TACC1: variants seen among roughly 807,000 people sequenced by gnomAD.
TACC1 encodes the protein transforming acidic coiled-coil containing protein 1.
In TACC1, 48 loss-of-function variants were observed where a neutral mutation model predicts 84.4. The ratio of observed to expected loss-of-function variants is 0.57; its 90% confidence interval spans 0.45 to 0.72. TACC1 has a LOEUF of 0.72. TACC1 is among the 30% of genes least tolerant of loss of function. TACC1 has a pLI of 0.00. For missense variants in TACC1, 920 were observed against 973.0 expected, an observed-to-expected ratio of 0.95 and a Z score of 0.72; for synonymous variants, 372 against 376.3, an observed-to-expected ratio of 0.99 and a Z score of 0.13.
chr8:38,832,864 G>A (rs1396243346), intron 6 of TACC1, among the ~76,000 whole-genome samples: 1 of 152,196 alleles, frequency 6.6e-6, no homozygotes, highest in African/African-American at 2.4e-5. Flanking sequence ...TTAGTGATGC[G>A]AATTCTCCAC....
intron 5 of TACC1, among the ~76,000 whole-genome samples, chr8:38,830,053 G>A (rs1457481924): frequency 2.6e-5 from 4 of 152,216 alleles, no homozygotes; most frequent in Non-Finnish European, 5.9e-5. Flanking sequence ...GGGAAACAAG[G>A]TCATACCGTG....
intron 2 of TACC1, among the ~76,000 whole-genome samples, chr8:38,796,181 A>G (rs1819932775): frequency 6.6e-6 from 1 of 152,238 alleles, no homozygotes; most frequent in East Asian, 1.9e-4. Context: ...TCTGCGAGAT[A>G]GGACACAAGT....
At chr8:38,735,197 A>G (rs1233484506) in intron 1 of TACC1, among the ~76,000 whole-genome samples, 1 of 152,216 alleles carries the variant, frequency 6.6e-6, no homozygotes, top group Non-Finnish European at 1.5e-5. Context: ...CTTACTCTCT[A>G]TTCGAAACCC....
At chr8:38,820,741 C>T in intron 3 of TACC1, 106 bp downstream of exon 3, 18 of 1,455,444 alleles carry the variant, frequency 1.2e-5, no homozygotes, top group Non-Finnish European at 1.5e-5. Context: ...TGAGGTGCAC[C>T]GAGGTTCATA....
At chr8:38,767,322 C>A (rs1812436160) in intron 3 of TACC1, among the ~76,000 whole-genome samples, 1 of 152,220 alleles carries the variant, frequency 6.6e-6, no homozygotes, top group South Asian at 2.1e-4. Context: ...TGTGGCACTT[C>A]TGGGCAGATG....
intron 2 of TACC1, 105 bp from the exon 3 acceptor site, chr8:38,819,417 C>T (rs531432820): frequency 1.8e-4 from 241 of 1,315,780 alleles, no homozygotes; most frequent in Admixed American, 9.3e-4. Context: ...TTAATAAAAG[C>T]AAAGAGGGAA....
intron 5 of TACC1, among the ~76,000 whole-genome samples, chr8:38,828,484 T>C (rs966985545): frequency 1.3e-5 from 2 of 152,168 alleles, no homozygotes; most frequent in Non-Finnish European, 2.9e-5. Context: ...CTTTTATAGA[T>C]AGTTGTGCAG....
intron 2 of TACC1, among the ~76,000 whole-genome samples, chr8:38,818,077 A>G (rs551733005): frequency 6.6e-6 from 1 of 152,000 alleles, no homozygotes; most frequent in South Asian, 2.1e-4. Flanking sequence ...AAATAAATTA[A>G]AATAAAAATT....
chr8:38,780,621 G>A (rs1050141539), intron 3 of TACC1, among the ~76,000 whole-genome samples: 2 of 136,192 alleles, frequency 1.5e-5, no homozygotes, highest in African/African-American at 5.3e-5. Flanking sequence ...TGTTGGTGTT[G>A]TTTTTTTTTG....
intron 3 of TACC1, among the ~76,000 whole-genome samples, chr8:38,774,692 G>T (rs1167891533): frequency 1.3e-5 from 2 of 151,978 alleles, no homozygotes; most frequent in Non-Finnish European, 2.9e-5. Flanking sequence ...AAGGGATGGG[G>T]TCTCACTATG....
chr8:38,783,057 G>A (rs1437101928), upstream of TACC1, among the ~76,000 whole-genome samples: 4 of 149,078 alleles, frequency 2.7e-5, no homozygotes, highest in South Asian at 6.4e-4. Context: ...TGACACTAGT[G>A]TAGTGTAAAT....
At chr8:38,814,209 T>C (rs576749392) in intron 2 of TACC1, among the ~76,000 whole-genome samples, 49 of 152,298 alleles carry the variant, frequency 3.2e-4, no homozygotes, top group African/African-American at 9.9e-4. Flanking sequence ...AGAGGAGCCA[T>C]TGGACATCAA....
chr8:38,751,549 C>A (rs1462494363), intron 3 of TACC1, among the ~76,000 whole-genome samples: 1 of 152,044 alleles, frequency 6.6e-6, no homozygotes, highest in Non-Finnish European at 1.5e-5. Flanking sequence ...TTTTTGGCAA[C>A]CTTGTGTGGG....
intron 3 of TACC1, among the ~76,000 whole-genome samples, chr8:38,768,915 G>C (rs553267732): frequency 6.7e-6 from 1 of 150,026 alleles, no homozygotes; most frequent in Non-Finnish European, 1.5e-5. Flanking sequence ...GACTGTGTGT[G>C]GTGTGTGTGA....
At chr8:38,732,080 C>T (rs1353638099) in intron 1 of TACC1, among the ~76,000 whole-genome samples, 1 of 151,614 alleles carries the variant, frequency 6.6e-6, no homozygotes, top group Admixed American at 6.6e-5. Flanking sequence ...CCACTGCACT[C>T]CAGCCTGGGT....
At chr8:38,802,662 G>A (rs185835163) in intron 2 of TACC1, among the ~76,000 whole-genome samples, 3 of 152,342 alleles carry the variant, frequency 2.0e-5, no homozygotes, top group Admixed American at 2.0e-4. Flanking sequence ...GGCTGTAGTA[G>A]AAGCATGGCA....
Position 38,817,815 on chromosome 8 carries a change from G to A in TACC1, c.278-1707G>A, listed in dbSNP as rs1221010187. 2.7e-5 allele frequency among the ~76,000 whole-genome samples: 4 copies of A among 150,546 alleles called. No individual in the cohort carries two copies. The East Asian group carries it at 7.8e-4, about 29-fold the overall frequency. On this transcript the variant is annotated intron_variant, in intron 2 of 12. Transcript: ENST00000317827. ...AAGCTATTCCAAATCCCAGCTACTT[G>A]GGCAGCTGAGATGGGAGAATTGCTT...
chr8:38,751,443 T>A (rs547615148), intron 3 of TACC1, among the ~76,000 whole-genome samples: 1 of 152,358 alleles, frequency 6.6e-6, no homozygotes, highest in South Asian at 2.1e-4. Context: ...TTAACCTTAC[T>A]TTGCTTCATC....
chr8:38,763,939 C>T (rs901221011), intron 3 of TACC1, among the ~76,000 whole-genome samples: 8 of 152,156 alleles, frequency 5.3e-5, no homozygotes, highest in African/African-American at 1.9e-4. Context: ...CCTAGAACTT[C>T]AATTACAGGG....
Sources: gnomAD v4.1 joint callset for allele counts (sites outside exome capture counted in the v4.1 genomes callset) on GRCh38, gnomAD v4.1.1 for gene constraint, MANE v1.5 for transcripts, NCBI Gene and HGNC (gene_info 2026-07-23, HGNC 2026-07-21) for gene names.